The following SYT16 variants were observed in gnomAD, a reference collection of about 807,000 sequenced individuals.
SYT16 encodes the protein synaptotagmin-16.
A neutral mutation model predicts 61.4 loss-of-function variants in SYT16; 42 were observed. That is an observed-to-expected ratio of 0.68 (90% CI 0.53 to 0.89). The LOEUF is 0.89. SYT16 is among the 40% of genes least tolerant of loss of function. SYT16 has a pLI of 0.00. For synonymous variants in SYT16, 314 were observed against 302.3 expected, an observed-to-expected ratio of 1.04 and a Z score of -0.40; for missense variants, 804 against 807.3, an observed-to-expected ratio of 1.00 and a Z score of 0.05.
At chr14:61,991,575 T>C (rs1162150318) in intron 2 of SYT16, among the ~76,000 whole-genome samples, 1 of 152,210 alleles carries the variant, frequency 6.6e-6, no homozygotes, top group East Asian at 1.9e-4. Context: ...ATGAAAGATC[T>C]CTGGCGTTGC....
intron 3 of SYT16, among the ~76,000 whole-genome samples, chr14:62,055,179 C>T (rs2055493297): frequency 6.6e-6 from 1 of 152,192 alleles, no homozygotes; most frequent in South Asian, 2.1e-4. Flanking sequence ...CAGTTCTCAG[C>T]AGAGTAAATT....
At chr14:62,028,418 A>C (rs1271528291) in intron 3 of SYT16, among the ~76,000 whole-genome samples, 7 of 152,206 alleles carry the variant, frequency 4.6e-5, no homozygotes, top group South Asian at 2.1e-4. Flanking sequence ...GAGGAAGCTG[A>C]GGCACAGAGC....
intron 5 of SYT16, chr14:62,079,472 G>A: frequency 1.8e-6 from 1 of 565,582 alleles, no homozygotes; most frequent in Non-Finnish European, 2.5e-6. Flanking sequence ...AACATGGAAA[G>A]GATTAAATGA....
chr14:61,850,072 G>A (rs1189470319), intron 1 of SYT16, among the ~76,000 whole-genome samples: 1 of 151,574 alleles, frequency 6.6e-6, no homozygotes, highest in African/African-American at 2.4e-5. Context: ...TTTAGTAATA[G>A]TCATTCTGAC....
At position 61,860,929 on chromosome 14, in the gene SYT16, T is replaced by A. The variant is rs530831028; in HGVS notation, c.-325+48119T>A. 5.3e-5 allele frequency among the ~76,000 whole-genome samples: 8 copies of A among 152,300 alleles called. No individual in the cohort carries two copies. In the East Asian group the frequency reaches 1.3e-3, roughly 26 times the overall value. On this transcript the variant is annotated intron_variant, in intron 1 of 7. Transcript: ENST00000683842. ...GTATTCAAGTGAGGTGTACGGAGACTGACCATGGCATTTTAAGCTGGGGGA... is the reference window on the plus strand; with the variant it reads ...GTATTCAAGTGAGGTGTACGGAGACAGACCATGGCATTTTAAGCTGGGGGA...
intron 1 of SYT16, among the ~76,000 whole-genome samples, chr14:61,852,891 G>C (rs572500491): frequency 2.2e-4 from 34 of 152,258 alleles, no homozygotes; most frequent in African/African-American, 6.5e-4. Flanking sequence ...TTTATTGCCT[G>C]TTATATTATT....
intron 1 of SYT16, among the ~76,000 whole-genome samples, chr14:61,894,291 T>TAA (rs777805364): frequency 1.8e-3 from 229 of 129,518 alleles, no homozygotes; most frequent in African/African-American, 6.3e-3. Context: ...GTCTCGAAAT[T>TAA]AAAAAAAAAA....
In SYT16 at chr14:62,034,342, C is replaced by T. The variant is rs1301305244; in HGVS notation, c.524-35261C>T. Among the ~76,000 whole-genome samples, 5 of 152,116 alleles carry T rather than the reference C, an allele frequency of 3.3e-5. 1 individual carries two copies. Among genetic ancestry groups the T allele is most frequent in the South Asian group, 4.1e-4 (2 of 4,820 alleles). On this transcript the variant is annotated intron_variant, in intron 3 of 7. Coordinates refer to ENST00000683842, the MANE Select transcript of SYT16 (RefSeq NM_001367656.1). Reference sequence around the variant, plus strand: ...GAGTTACCATAGAACCCAGCAGTGCCACTCCTAGGCATAAATTCAAGAGAA... The same window carrying T: ...GAGTTACCATAGAACCCAGCAGTGCTACTCCTAGGCATAAATTCAAGAGAA...
chr14:62,032,014 A>G (rs116153301), intron 3 of SYT16, among the ~76,000 whole-genome samples: 5,038 of 152,246 alleles, frequency 0.033, 177 homozygotes, highest in African/African-American at 0.092. Context: ...AAGGGAATTT[A>G]ATGGAGTACA....
chr14:61,860,510 G>A (rs1594775082), intron 1 of SYT16, among the ~76,000 whole-genome samples: 2 of 152,222 alleles, frequency 1.3e-5, no homozygotes, highest in African/African-American at 4.8e-5. Flanking sequence ...CTTGGTTACT[G>A]ACTTGCCAGG....
chr14:62,081,097 C>A lies in SYT16; in HGVS notation c.1257C>A (p.Thr419=). The A allele has an allele frequency of 6.2e-7, 1 of 1,613,878 alleles. No individual in the cohort carries two copies. Among genetic ancestry groups the A allele is most frequent in the Non-Finnish European group, 8.5e-7 (1 of 1,179,844 alleles). ...GPNPVFREKV[T]FAKLEPRDVA... is the part of the protein sequence containing the mutation. Reference sequence around the variant, plus strand: ...ACCCCGTCTTCAGGGAGAAGGTCACCTTTGCCAAGCTGGAGCCCAGAGATG... The same window carrying A: ...ACCCCGTCTTCAGGGAGAAGGTCACATTTGCCAAGCTGGAGCCCAGAGATG... The change falls in exon 6 of 8, where the codon ACC becomes ACA. Residue 419 remains threonine, a synonymous_variant. Coordinates refer to ENST00000683842, the MANE Select transcript of SYT16 (RefSeq NM_001367656.1).
At chr14:61,925,319 G>T (rs2049492871) in intron 1 of SYT16, among the ~76,000 whole-genome samples, 1 of 152,134 alleles carries the variant, frequency 6.6e-6, no homozygotes, top group Non-Finnish European at 1.5e-5. Context: ...AGAGCTTTTT[G>T]GCAGTAAGAA....
At chr14:61,873,835 C>T (rs114874579) in intron 1 of SYT16, among the ~76,000 whole-genome samples, 1,764 of 152,270 alleles carry the variant, frequency 0.012, 42 homozygotes, top group African/African-American at 0.04. Context: ...TTTTAGGAAA[C>T]CATAACTGAT....
chr14:61,966,757 T>C (rs1385949701), intron 1 of SYT16, among the ~76,000 whole-genome samples: 1 of 152,224 alleles, frequency 6.6e-6, no homozygotes, highest in African/African-American at 2.4e-5. Flanking sequence ...ACATGAATCC[T>C]CTTTTTCCTA....
At chr14:61,817,805 A>G (rs1326227772) in intron 1 of SYT16, among the ~76,000 whole-genome samples, 2 of 152,364 alleles carry the variant, frequency 1.3e-5, no homozygotes, top group East Asian at 3.9e-4. Flanking sequence ...TGTGGTTGAC[A>G]TGGGACATGA....
chr14:61,944,630 A>T (rs2050345837), intron 1 of SYT16, among the ~76,000 whole-genome samples: 1 of 152,216 alleles, frequency 6.6e-6, no homozygotes, highest in Non-Finnish European at 1.5e-5. Context: ...AAAAACAAGC[A>T]ATGGGGAAAG....
intron 3 of SYT16, among the ~76,000 whole-genome samples, chr14:62,054,764 T>C (rs2055471994): frequency 6.6e-6 from 1 of 152,218 alleles, no homozygotes; most frequent in South Asian, 2.1e-4. Flanking sequence ...AACTGCCTTA[T>C]AGAAATTATC....
chr14:61,892,374 C>A (rs2048167913), intron 1 of SYT16, among the ~76,000 whole-genome samples: 1 of 152,054 alleles, frequency 6.6e-6, no homozygotes, highest in South Asian at 2.1e-4. Context: ...CTCTCTTTGC[C>A]CTCGCTTTGT....
chr14:62,073,341 G>A (rs1428575967), intron 4 of SYT16, among the ~76,000 whole-genome samples: 2 of 152,146 alleles, frequency 1.3e-5, no homozygotes, highest in Non-Finnish European at 2.9e-5. Flanking sequence ...ACATGTTGAT[G>A]GATGACCCAC....
Sources: gnomAD v4.1 joint callset for allele counts (sites outside exome capture counted in the v4.1 genomes callset) on GRCh38, gnomAD v4.1.1 for gene constraint, MANE v1.5 for transcripts, NCBI Gene and HGNC (gene_info 2026-07-23, HGNC 2026-07-21) for gene names.